The following GNE variants were observed in gnomAD, a reference collection of about 807,000 sequenced individuals.
GNE encodes the protein glucosamine (UDP-N-acetyl)-2-epimerase/N-acetylmannosamine kinase, also known as bifunctional UDP-N-acetylglucosamine 2-epimerase/N-acetylmannosamine kinase.
Under a neutral mutation model 61.8 loss-of-function variants are expected in GNE, and 41 were observed. The ratio of observed to expected loss-of-function variants is 0.66; its 90% CI spans 0.52 to 0.86. The LOEUF (loss-of-function observed/expected upper bound fraction) is 0.86, where lower values mean the gene tolerates loss of function less well. GNE is among the 40% of genes least tolerant of loss of function. The pLI, the probability that GNE is intolerant of heterozygous loss-of-function variation, is 0.00. For synonymous variants in GNE, 264 were observed against 326.4 expected (o/e 0.81, Z 2.06); for missense variants, 608 against 909.1 (o/e 0.67, Z 4.26).
chr9:36,227,270 C>T lies in GNE; in HGVS notation c.1259G>A (p.Arg420Gln), dbSNP rs780092539. ...TACCTTCATGCTGACTATTGCAACT[C>T]GGAGGTTCGTCCCGCCAAGATCAAC... ...LAVDLGGTNL[R>Q]VAIVSMKGEI... The change falls in exon 7 of 12, where the codon CGA becomes CAA. Residue 420 changes from arginine to glutamine, a missense_variant. Coordinates refer to ENST00000642385, the MANE Select transcript of GNE (RefSeq NM_005476.7). 12 of 1,612,044 alleles carry T rather than the reference C, an allele frequency of 7.4e-6. No individual in the cohort carries two copies. Among genetic ancestry groups the T allele is most frequent in the African/African-American group, 1.3e-5 (1 of 74,958 alleles).
intron 9 of GNE, among the ~76,000 whole-genome samples, chr9:36,220,295 C>G (rs769560672): frequency 6.6e-6 from 1 of 152,178 alleles, no homozygotes; most frequent in African/African-American, 2.4e-5. Context: ...TGCATGCCCA[C>G]CTTGTGGGTA....
rs1587355393 is a variant in GNE, at chr9:36,253,272, A to T, written c.-42-3875T>A. Among the ~76,000 whole-genome samples, 6 of 151,776 alleles carry T rather than the reference A, an allele frequency of 4.0e-5. No individual in the cohort carries two copies. In the South Asian group the frequency reaches 1.2e-3, roughly 32 times the overall value. On this transcript the variant is annotated intron_variant, in intron 1 of 11. Coordinates refer to ENST00000642385, the MANE Select transcript of GNE (RefSeq NM_005476.7). Reference sequence around the variant, plus strand: ...ACATATTCTATAAACTGTTGGGGCAAAGCTTACTTTTTTTTTTTTTTAAAA... The same window carrying T: ...ACATATTCTATAAACTGTTGGGGCATAGCTTACTTTTTTTTTTTTTTAAAA...
chr9:36,243,234 A>AGGC (rs908800044), intron 3 of GNE, among the ~76,000 whole-genome samples: 1 of 151,998 alleles, frequency 6.6e-6, no homozygotes, highest in African/African-American at 2.4e-5. Flanking sequence ...TTGTAAAGAC[A>AGGC]GAGTTTCACC....
At chr9:36,245,983 T>A (rs1313728272) in intron 3 of GNE, 48 bp downstream of exon 3, 1 of 1,416,330 alleles carries the variant, frequency 7.1e-7, no homozygotes, top group Non-Finnish European at 1.0e-6. Flanking sequence ...GACGGAACAT[T>A]TTCTGACAAA....
chr9:36,227,128 C>G, intron 7 of GNE, 120 bp downstream of exon 7: 1 of 719,280 alleles, frequency 1.4e-6, no homozygotes, highest in Non-Finnish European at 2.6e-6. Flanking sequence ...TCAATACTAT[C>G]AGCAAATGAT....
At chr9:36,263,850 G>C (rs1036911939) in intron 1 of GNE, among the ~76,000 whole-genome samples, 4 of 152,162 alleles carry the variant, frequency 2.6e-5, no homozygotes, top group African/African-American at 9.7e-5. Flanking sequence ...AAAAAACCTG[G>C]CACCAAGCCT....
intron 1 of GNE, among the ~76,000 whole-genome samples, chr9:36,265,867 T>C (rs1043556625): frequency 6.6e-6 from 1 of 152,252 alleles, no homozygotes. Flanking sequence ...GGAGGAGGAA[T>C]GTAGACGGTA....
chr9:36,218,122 TG>T lies in GNE; in HGVS notation c.1933+60del. On this transcript the variant is annotated intron_variant, in intron 11 of 11. Coordinates refer to ENST00000642385, the MANE Select transcript of GNE (RefSeq NM_005476.7). This position sits in a 1 kb window ranked among gnomAD's most constrained non-coding sequence, Gnocchi z 4.1. ...AGCAGGGTCTCTTCTGGGGCCGGGC[TG>T]GGCCATATGATATCTGAGGCCACCC... 1.8e-6 allele frequency: 2 copies of T among 1,101,382 alleles called. No individual in the cohort carries two copies. The highest frequency in any genetic ancestry group is 2.8e-6 in the Non-Finnish European group (2 of 711,864). The allele number at this position is 1,101,382 out of a possible 1,614,324, so 68.2% of individuals were successfully genotyped here.
intron 1 of GNE, among the ~76,000 whole-genome samples, chr9:36,264,779 C>G (rs1199397376): frequency 6.6e-6 from 1 of 152,112 alleles, no homozygotes; most frequent in East Asian, 1.9e-4. Flanking sequence ...GCCAATCAGA[C>G]AAAAACAGGA....
chr9:36,273,891 C>G (rs1019845221), intron 1 of GNE, among the ~76,000 whole-genome samples: 2 of 151,942 alleles, frequency 1.3e-5, no homozygotes, highest in African/African-American at 4.8e-5. Flanking sequence ...CGCCTCGGCC[C>G]CCCAAAGTGC....
intron 1 of GNE, among the ~76,000 whole-genome samples, chr9:36,274,821 C>T (rs1403951318): frequency 8.3e-6 from 1 of 120,896 alleles, no homozygotes; most frequent in Admixed American, 8.1e-5. Context: ...CTCCCGGGTT[C>T]ACGCCATTCT....
intron 3 of GNE, among the ~76,000 whole-genome samples, chr9:36,238,097 T>C (rs1184275544): frequency 6.7e-6 from 1 of 148,900 alleles, no homozygotes; most frequent in Non-Finnish European, 1.5e-5. Context: ...GATATATAGA[T>C]GTAGATATAA....
Position 36,217,521 on chromosome 9 carries a change from C to T in GNE, c.2013G>A (p.Leu671=). 1 of 1,614,104 alleles carries T rather than the reference C, an allele frequency of 6.2e-7. No homozygotes were observed. Among genetic ancestry groups the T allele is most frequent in the South Asian group, 1.1e-5 (1 of 91,080 alleles). ...TGACAATGTGGATATAGTGACTGGC[C>T]AGGACTCCGGAGAGGATCACAAGGG... ...NPSLVILSGV[L]ASHYIHIVKD... The change falls in exon 12 of 12, where the codon CTG becomes CTA. Residue 671 remains leucine, a synonymous_variant. Transcript: ENST00000642385.
In GNE at chr9:36,251,100, G is replaced by A. The variant is rs543757738; in HGVS notation, c.-42-1703C>T. On this transcript the variant is annotated intron_variant, in intron 1 of 11. Coordinates refer to ENST00000642385, the MANE Select transcript of GNE (RefSeq NM_005476.7). ...CCTCCAGTTCAACTAGTGAATCTCC[G>A]TATATCTATACCTTTATAGATGCCA... is the stretch of plus-strand genomic sequence containing the variant. 5.3e-5 allele frequency among the ~76,000 whole-genome samples: 8 copies of A among 152,202 alleles called. 1 individual carries two copies. Among genetic ancestry groups the A allele is most frequent in the South Asian group, 2.1e-4 (1 of 4,818 alleles).
Position 36,218,373 on chromosome 9 carries a change from A to G in GNE, c.1817-74T>C. ...CCAAGCTCACCACTGGGCCTGTGGA[A>G]AGCAAGCCCCTACATGGGAAGACGG... On this transcript the variant is annotated intron_variant, in intron 10 of 11. Transcript: ENST00000642385. The surrounding 1 kb of genome is among the most constrained non-coding windows in gnomAD (Gnocchi z 4.1). 9.7e-7 allele frequency: 1 copy of G among 1,034,702 alleles called. No homozygotes were observed. The highest frequency in any genetic ancestry group is 1.3e-5 in the South Asian group (1 of 78,962). The allele number at this position is 1,034,702 out of a possible 1,614,324, so 64.1% of individuals were successfully genotyped here.
chr9:36,255,007 C>T (rs1830272660), intron 1 of GNE, among the ~76,000 whole-genome samples: 1 of 152,140 alleles, frequency 6.6e-6, no homozygotes, highest in Admixed American at 6.6e-5. Flanking sequence ...TGAAGGCAAG[C>T]TTGTCTATAA....
intron 3 of GNE, among the ~76,000 whole-genome samples, chr9:36,241,086 TCTTTTCAAAGAA>T: frequency 6.6e-6 from 1 of 152,186 alleles, no homozygotes; most frequent in Admixed American, 6.6e-5. Flanking sequence ...GTTTTATTTA[TCTTTTCAAAGAA>T]CCAGCTTTTT....
At chr9:36,262,470 T>C (rs1287093580), upstream of GNE, among the ~76,000 whole-genome samples, 1 of 152,202 alleles carries the variant, frequency 6.6e-6, no homozygotes, top group Non-Finnish European at 1.5e-5. Flanking sequence ...TGGATTTCTG[T>C]TACTTTACTG....
chr9:36,238,829 G>A (rs1008313077), intron 3 of GNE, among the ~76,000 whole-genome samples: 3 of 152,058 alleles, frequency 2.0e-5, no homozygotes, highest in African/African-American at 7.2e-5. Flanking sequence ...GTCTAGAAGG[G>A]GTTTTCCCAT....
Sources: gnomAD v4.1 joint callset for allele counts (sites outside exome capture counted in the v4.1 genomes callset) on GRCh38, gnomAD v4.1.1 for gene constraint, Gnocchi (gnomAD v3.1) non-coding constraint, MANE v1.5 for transcripts, NCBI Gene and HGNC (gene_info 2026-07-23, HGNC 2026-07-21) for gene names.